CFDP1: variants seen among roughly 807,000 people sequenced by gnomAD.
CFDP1 encodes chromatin remodeling protein CFDP1, also known as heterochromatin-stabilizing protein CFDP1.
A neutral mutation model predicts 40.1 loss-of-function variants in CFDP1; 31 were observed. The observed-to-expected ratio is 0.77, with a 90% confidence interval of 0.58 to 1.04. CFDP1 has a LOEUF of 1.04. CFDP1 is among the 50% of genes least tolerant of loss of function. The probability of loss-of-function intolerance (pLI) is 0.00; values close to 1 mark genes in which losing one functional copy is unlikely to be tolerated. For missense variants in CFDP1, 423 were observed against 343.4 expected (o/e 1.23, Z -1.83); for synonymous variants, 167 against 120.0 (o/e 1.39, Z -2.56).
At chr16:75,374,285 T>C (rs1326842368) in intron 5 of CFDP1, among the ~76,000 whole-genome samples, 1 of 151,974 alleles carries the variant, frequency 6.6e-6, no homozygotes, top group East Asian at 1.9e-4. Context: ...TAGAACACTA[T>C]ACTAGCCATT....
chr16:75,304,702 C>T (rs2078245719), intron 6 of CFDP1, among the ~76,000 whole-genome samples: 1 of 152,216 alleles, frequency 6.6e-6, no homozygotes, highest in Admixed American at 6.5e-5. Flanking sequence ...AAGGCCAAGG[C>T]TGCTACCACA....
chr16:75,415,213 A>C (rs1291408252), intron 1 of CFDP1, among the ~76,000 whole-genome samples: 2 of 152,196 alleles, frequency 1.3e-5, no homozygotes, highest in Non-Finnish European at 2.9e-5. Context: ...GAACAAACAC[A>C]CCCATGTCCC....
At chr16:75,322,748 T>C (rs991319771) in intron 5 of CFDP1, among the ~76,000 whole-genome samples, 1 of 150,886 alleles carries the variant, frequency 6.6e-6, no homozygotes, top group Non-Finnish European at 1.5e-5. Context: ...AACCACTAAG[T>C]AGAATACAAA....
intron 5 of CFDP1, among the ~76,000 whole-genome samples, chr16:75,319,444 G>A (rs1384889472): frequency 6.6e-6 from 1 of 152,150 alleles, no homozygotes; most frequent in Admixed American, 6.5e-5. Flanking sequence ...GTTACATCTG[G>A]GGTTGGGGGG....
chr16:75,306,899 ACACG>A (rs1448164554), intron 5 of CFDP1, among the ~76,000 whole-genome samples: 5 of 145,760 alleles, frequency 3.4e-5, no homozygotes, highest in African/African-American at 1.3e-4. Context: ...ACACACACAC[ACACG>A]CACACACACA....
intron 5 of CFDP1, among the ~76,000 whole-genome samples, chr16:75,320,575 G>C (rs973427024): frequency 6.6e-6 from 1 of 152,192 alleles, no homozygotes; most frequent in Non-Finnish European, 1.5e-5. Flanking sequence ...GTGAGAGCAA[G>C]GCCTCTGACC....
chr16:75,331,635 G>A (rs1314186054), intron 5 of CFDP1, among the ~76,000 whole-genome samples: 1 of 152,052 alleles, frequency 6.6e-6, no homozygotes, highest in Middle Eastern at 3.2e-3. Flanking sequence ...GGAATAATAC[G>A]TTATTTTTTT....
intron 1 of CFDP1, among the ~76,000 whole-genome samples, chr16:75,425,645 C>T (rs1224980689): frequency 6.8e-6 from 1 of 147,718 alleles, no homozygotes; most frequent in African/African-American, 2.5e-5. Context: ...AAATACTGGA[C>T]ATCCAGATGC....
intron 5 of CFDP1, among the ~76,000 whole-genome samples, chr16:75,382,478 C>T (rs1464613682): frequency 6.6e-6 from 1 of 152,232 alleles, no homozygotes; most frequent in Non-Finnish European, 1.5e-5. Flanking sequence ...GTGAAACACA[C>T]AGCTGATCCA....
At chr16:75,297,861 AG>A (rs1390162759) in intron 6 of CFDP1, among the ~76,000 whole-genome samples, 1 of 152,162 alleles carries the variant, frequency 6.6e-6, no homozygotes, top group Non-Finnish European at 1.5e-5. Context: ...ATGAAAAGGG[AG>A]GGAGAAATGG....
chr16:75,422,396 C>CT (rs765465924), intron 1 of CFDP1, among the ~76,000 whole-genome samples: 1,380 of 129,464 alleles, frequency 0.011, 38 homozygotes, highest in African/African-American at 0.035. Context: ...CGTATGGCCT[C>CT]TTTTTTTTTT....
At chr16:75,389,156 G>C (rs2078926313) in intron 5 of CFDP1, among the ~76,000 whole-genome samples, 1 of 152,192 alleles carries the variant, frequency 6.6e-6, no homozygotes, top group Admixed American at 6.5e-5. Context: ...TTGAAAATAG[G>C]TAGCAAATGT....
chr16:75,407,768 T>C (rs2151579848), intron 4 of CFDP1, among the ~76,000 whole-genome samples: 1 of 151,900 alleles, frequency 6.6e-6, no homozygotes, highest in South Asian at 2.1e-4. Flanking sequence ...ACGGGATAAA[T>C]CATTGAAAAT....
At chr16:75,311,857 A>G (rs2078294857) in intron 5 of CFDP1, among the ~76,000 whole-genome samples, 1 of 149,762 alleles carries the variant, frequency 6.7e-6, no homozygotes, top group South Asian at 2.1e-4. Context: ...CTCCTGCCTC[A>G]GCTTCCTAAG....
intron 5 of CFDP1, among the ~76,000 whole-genome samples, chr16:75,376,069 G>C (rs1244062227): frequency 6.6e-6 from 1 of 152,118 alleles, no homozygotes; most frequent in Non-Finnish European, 1.5e-5. Flanking sequence ...AAATTAGCCA[G>C]ACATAGTGGT....
chr16:75,368,685 T>C (rs2078732823), intron 5 of CFDP1, among the ~76,000 whole-genome samples: 1 of 151,850 alleles, frequency 6.6e-6, no homozygotes, highest in Non-Finnish European at 1.5e-5. Flanking sequence ...TGATATTTTC[T>C]TTCTTTTTTT....
intron 5 of CFDP1, among the ~76,000 whole-genome samples, chr16:75,344,223 A>C (rs1011337080): frequency 7.9e-5 from 12 of 152,214 alleles, no homozygotes; most frequent in African/African-American, 2.9e-4. Flanking sequence ...GCTTTGAGGG[A>C]CTATGCATGT....
intron 1 of CFDP1, among the ~76,000 whole-genome samples, chr16:75,431,454 CA>C (rs60902612): frequency 0.32 from 18,821 of 58,720 alleles, 1,281 homozygotes; most frequent in South Asian, 0.4. Context: ...ACTCTTGTCT[CA>C]AAAAAAAAAA....
chr16:75,321,038 TC>T (rs1230357183), intron 5 of CFDP1, among the ~76,000 whole-genome samples: 8 of 152,204 alleles, frequency 5.3e-5, no homozygotes, highest in Admixed American at 2.6e-4. Flanking sequence ...CAAGTGAACC[TC>T]CTGCCTCAGC....
Sources: allele counts gnomAD v4.1 joint callset (sites outside exome capture counted in the v4.1 genomes callset), GRCh38; gene constraint gnomAD v4.1.1; transcripts MANE v1.5; gene names NCBI Gene and HGNC (gene_info 2026-07-23, HGNC 2026-07-21).